The following PLPPR4 variants were observed in gnomAD, a reference collection of about 807,000 sequenced individuals.
The protein encoded by PLPPR4 is phospholipid phosphatase related 4.
Under a neutral mutation model 56.6 loss-of-function variants are expected in PLPPR4, and 24 were observed. That is an observed-to-expected ratio of 0.42 (90% confidence interval 0.31 to 0.60). PLPPR4 has a LOEUF of 0.60. Ranked by LOEUF, PLPPR4 falls within the 20% of genes least tolerant of loss-of-function variation. PLPPR4 has a pLI of 0.13. For synonymous variants in PLPPR4, 326 were observed against 328.1 expected, an observed-to-expected ratio of 0.99 and a Z score of 0.07; for missense variants, 654 against 885.8, an observed-to-expected ratio of 0.74 and a Z score of 3.32.
intron 2 of PLPPR4, among the ~76,000 whole-genome samples, chr1:99,295,921 A>G (rs1055756125): frequency 6.6e-6 from 1 of 152,200 alleles, no homozygotes; most frequent in Non-Finnish European, 1.5e-5. Context: ...TAAGGGAGCC[A>G]CATAGACGGA....
Position 99,306,770 on chromosome 1 carries a change from T to C in PLPPR4, c.1908T>C (p.Asp636=). The stretch of plus-strand genomic sequence containing the variant: ...TGAAAGACAGCTTTGGTTCTGGAGA[T>C]CGCAAGAGAAGCAACATTGATAGCA... ...ESLKDSFGSG[D]RKRSNIDSNE... is the part of the protein sequence containing the mutation. Residue 636 remains aspartate (D), a synonymous_variant, in exon 7 of 7, where the codon GAT becomes GAC. Transcript: ENST00000370185. The surrounding 1 kb of genome is among the most constrained non-coding windows in gnomAD (Gnocchi z 4.0). 3.1e-6 allele frequency: 5 copies of C among 1,613,920 alleles called. No individual in the cohort carries two copies. Among genetic ancestry groups the C allele is most frequent in the Non-Finnish European group, 3.4e-6 (4 of 1,179,980 alleles).
intron 6 of PLPPR4, among the ~76,000 whole-genome samples, chr1:99,303,980 G>A (rs780201116): frequency 6.6e-6 from 1 of 152,170 alleles, no homozygotes; most frequent in Non-Finnish European, 1.5e-5. Flanking sequence ...GGGATTTATA[G>A]TGCAAAGGAT....
rs139630562 is a variant in PLPPR4, at chr1:99,299,184, G to A, written c.544G>A (p.Glu182Lys). The change falls in exon 4 of 7, where the codon GAA (glutamate) becomes AAA (lysine). Residue 182 changes from glutamate (E) to lysine (K), a missense_variant. By Grantham distance (56) the Glu-to-Lys change is moderately conservative. Transcript: ENST00000370185. ...VSCKENSYIVEDICSGSDLTV... is the reference protein window; with the variant it reads ...VSCKENSYIVKDICSGSDLTV... ...TTGCAAAGAAAATTCCTACATTGTG[G>A]AAGATATTTGCTCAGGATCTGACCT... The A allele has an allele frequency of 6.2e-7, 1 of 1,613,296 alleles. No individual in the cohort carries two copies. Among genetic ancestry groups the A allele is most frequent in the Non-Finnish European group, 8.5e-7 (1 of 1,179,592 alleles).
At chr1:99,268,743 C>G (rs1035428558) in intron 1 of PLPPR4, among the ~76,000 whole-genome samples, 3 of 152,088 alleles carry the variant, frequency 2.0e-5, no homozygotes, top group Admixed American at 6.5e-5. Context: ...GAAAAGAACT[C>G]TCAGACAAGC....
chr1:99,271,682 C>T (rs2100784602), intron 1 of PLPPR4, among the ~76,000 whole-genome samples: 1 of 152,104 alleles, frequency 6.6e-6, no homozygotes, highest in East Asian at 1.9e-4. Flanking sequence ...TGGGCAAGCA[C>T]AAATGGCACC....
At chr1:99,282,681 T>C (rs1181960800) in intron 1 of PLPPR4, among the ~76,000 whole-genome samples, 1 of 152,104 alleles carries the variant, frequency 6.6e-6, no homozygotes, top group African/African-American at 2.4e-5. Flanking sequence ...TCTAACTTCC[T>C]CCTTGGACGT....
intron 1 of PLPPR4, among the ~76,000 whole-genome samples, chr1:99,274,268 C>G (rs1659130204): frequency 2.0e-5 from 3 of 151,880 alleles, no homozygotes; most frequent in African/African-American, 7.2e-5. Context: ...TCATTTTTCT[C>G]ATTTGAAAAT....
intron 6 of PLPPR4, among the ~76,000 whole-genome samples, chr1:99,305,092 C>A (rs1659984030): frequency 6.6e-6 from 1 of 152,080 alleles, no homozygotes; most frequent in Non-Finnish European, 1.5e-5. Flanking sequence ...CTAGGTGCCC[C>A]AATCTGGCGA....
intron 1 of PLPPR4, among the ~76,000 whole-genome samples, chr1:99,276,902 A>G (rs774321734): frequency 6.6e-6 from 1 of 152,116 alleles, no homozygotes; most frequent in Non-Finnish European, 1.5e-5. Flanking sequence ...TCTCATTGAC[A>G]CTCTCACAAA....
chr1:99,293,350 T>C (rs1659669134), intron 2 of PLPPR4, among the ~76,000 whole-genome samples: 1 of 152,188 alleles, frequency 6.6e-6, no homozygotes, highest in Admixed American at 6.5e-5. Context: ...TTATGTGAAA[T>C]GTATATTTTT....
chr1:99,270,856 T>G (rs1377965415), intron 1 of PLPPR4, among the ~76,000 whole-genome samples: 5 of 152,206 alleles, frequency 3.3e-5, no homozygotes, highest in African/African-American at 1.2e-4. Flanking sequence ...TGAGATGAGT[T>G]GGCAAGTCTC....
At chr1:99,301,047 G>T in intron 5 of PLPPR4, 81 bp downstream of exon 5, 2 of 1,221,070 alleles carry the variant, frequency 1.6e-6, no homozygotes, top group Non-Finnish European at 2.4e-6. Flanking sequence ...TGACTAATTG[G>T]ATGATATAAC....
In PLPPR4 at chr1:99,308,304, G is replaced by T. The variant is rs1660097381; in HGVS notation, c.*1294G>T. ...GTATCTCACGGTACAAATTAAGAAT[G>T]ACTTTCTTCAAAATATCTGAATAGG... On this transcript the variant is annotated 3_prime_UTR_variant, in exon 7 of 7. Transcript: ENST00000370185. 1 of 152,080 alleles carries T rather than the reference G, an allele frequency of 6.6e-6. No individual in the cohort carries two copies. Among genetic ancestry groups the T allele is most frequent in the Non-Finnish European group, 1.5e-5 (1 of 68,006 alleles). The allele number at this position is 152,080 out of a possible 1,614,324, so 9.4% of individuals were successfully genotyped here.
intron 1 of PLPPR4, among the ~76,000 whole-genome samples, chr1:99,277,770 G>T (rs1659227918): frequency 6.6e-6 from 1 of 151,760 alleles, no homozygotes; most frequent in Admixed American, 6.6e-5. Context: ...ATCTTTTTCA[G>T]ATATGTTATG....
rs1660078984 is a variant in PLPPR4 at position 99,307,988 on chromosome 1, T to A, written c.*978T>A. On this transcript the variant is annotated 3_prime_UTR_variant, in exon 7 of 7. Coordinates refer to ENST00000370185, the MANE Select transcript of PLPPR4 (RefSeq NM_014839.5). The stretch of plus-strand genomic sequence containing the variant: ...ATTCCTTGAGCAAAATATACTGCTG[T>A]GAATTTGCAAACAAGAAATCTGAGC... 6.6e-6 allele frequency: 1 copy of A among 152,202 alleles called. No individual in the cohort carries two copies. The highest frequency in any genetic ancestry group is 2.4e-5 in the African/African-American group (1 of 41,448). 9.4% of individuals were successfully genotyped at this position (152,202 alleles called of 1,614,324 possible). A position where few individuals can be genotyped will look rare whatever the true frequency, so the allele number is the denominator to read the frequency against.
In PLPPR4 at chr1:99,309,113, A is replaced by C. The variant is rs2100816557; in HGVS notation, c.*2103A>C. ...AAAGGCTACAGTTTTTAATGACTTA[A>C]CAAATTGTACCACATTGTTAAGGAC... On this transcript the variant is annotated 3_prime_UTR_variant, in exon 7 of 7. Transcript: ENST00000370185. 1 of 152,758 alleles carries C rather than the reference A, an allele frequency of 6.5e-6. No individual in the cohort carries two copies. Among genetic ancestry groups the C allele is most frequent in the African/African-American group, 2.4e-5 (1 of 41,572 alleles). 9.5% of individuals were successfully genotyped at this position (152,758 alleles called of 1,614,324 possible).
At chr1:99,296,599 C>A in intron 2 of PLPPR4, 139 bp from the exon 3 acceptor site, 3 of 621,842 alleles carry the variant, frequency 4.8e-6, no homozygotes, top group Non-Finnish European at 7.5e-6. Context: ...AATTGCTGTG[C>A]CTCTACAGCT....
At chr1:99,283,609 C>T (rs1429574862) in intron 1 of PLPPR4, among the ~76,000 whole-genome samples, 1 of 152,146 alleles carries the variant, frequency 6.6e-6, no homozygotes, top group Non-Finnish European at 1.5e-5. Context: ...AAATAAACCG[C>T]TTTCCTAATC....
At chr1:99,299,431 C>G (rs1659825713) in intron 4 of PLPPR4, among the ~76,000 whole-genome samples, 1 of 151,996 alleles carries the variant, frequency 6.6e-6, no homozygotes, top group East Asian at 1.9e-4. Flanking sequence ...CTCCAAATTT[C>G]AGCCTCACAT....
Sources: allele counts gnomAD v4.1 joint callset (sites outside exome capture counted in the v4.1 genomes callset), GRCh38; gene constraint gnomAD v4.1.1; non-coding constraint Gnocchi (gnomAD v3.1); transcripts MANE v1.5; gene names NCBI Gene and HGNC (gene_info 2026-07-23, HGNC 2026-07-21).